DIS3L2: variants seen among roughly 807,000 people sequenced by gnomAD.
DIS3L2 encodes the protein DIS3 like 3'-5' exoribonuclease 2, also known as DIS3-like exonuclease 2.
DIS3L2 carries 34 observed loss-of-function variants against 97.5 expected under a neutral mutation model. That is an observed-to-expected ratio of 0.35 (90% CI 0.27 to 0.46). The LOEUF (loss-of-function observed/expected upper bound fraction) is 0.46. DIS3L2 is among the 20% of genes least tolerant of loss of function. The pLI is 1.00. For synonymous variants in DIS3L2, 435 were observed against 445.2 expected (o/e 0.98, Z 0.29); for missense variants, 1,038 against 1,146.0 (o/e 0.91, Z 1.36).
intron 5 of DIS3L2, among the ~76,000 whole-genome samples, chr2:232,045,799 T>G (rs534965481): frequency 6.6e-6 from 1 of 150,730 alleles, no homozygotes; most frequent in South Asian, 2.1e-4. Flanking sequence ...CTCAGCCTCC[T>G]GAGTAGCTGG....
At chr2:232,194,240 A>ATG (rs1312336259) in intron 9 of DIS3L2, among the ~76,000 whole-genome samples, 1 of 152,090 alleles carries the variant, frequency 6.6e-6, no homozygotes, top group Non-Finnish European at 1.5e-5. Context: ...TGCTGCTTCT[A>ATG]TGTGTGTGTA....
intron 5 of DIS3L2, 73 bp from the exon 6 acceptor site, chr2:232,087,414 T>C: frequency 8.3e-7 from 1 of 1,203,444 alleles, no homozygotes; most frequent in Non-Finnish European, 1.2e-6. Context: ...GTTTCTTCCT[T>C]AGAAAAGAAA....
chr2:232,249,435 G>A (rs1180184820), intron 12 of DIS3L2, 89 bp downstream of exon 12: 36 of 1,342,742 alleles, frequency 2.7e-5, no homozygotes, highest in Non-Finnish European at 3.1e-5. Flanking sequence ...CACTGGCTTG[G>A]GTGCCATGGT....
At chr2:232,312,807 A>G (rs1695172247) in intron 14 of DIS3L2, among the ~76,000 whole-genome samples, 1 of 152,140 alleles carries the variant, frequency 6.6e-6, no homozygotes, top group African/African-American at 2.4e-5. Flanking sequence ...CTCATGTTTC[A>G]TTGGATTTAC....
intron 16 of DIS3L2, among the ~76,000 whole-genome samples, chr2:232,332,865 C>T (rs1470585594): frequency 2.6e-5 from 4 of 152,120 alleles, no homozygotes; most frequent in African/African-American, 4.8e-5. Flanking sequence ...AGGACGGCCC[C>T]GACCAAAGGT....
chr2:232,166,671 G>A lies in DIS3L2; in HGVS notation c.1124+3039G>A, dbSNP rs187239514. Among the ~76,000 whole-genome samples, 1,067 of 150,746 alleles carry A rather than the reference G, an allele frequency of 7.1e-3. 8 individuals are homozygous for A. The highest frequency in any genetic ancestry group is 0.017 in the South Asian group (79 of 4,732). On this transcript the variant is annotated intron_variant, in intron 9 of 20. Coordinates refer to ENST00000325385, the MANE Select transcript of DIS3L2 (RefSeq NM_152383.5). ...GCGGAGGTTGCAGTGAGCCAAGATC[G>A]CACCACTGCAATCCAGCGTGGCGAC...
At position 232,136,707 on chromosome 2, in the gene DIS3L2, A is replaced by G. The variant is rs768529345; in HGVS notation, c.938A>G (p.Asn313Ser). The change falls in exon 8 of 21, where the codon AAT (asparagine) becomes AGT (serine). Residue 313 changes from asparagine to serine, a missense_variant. Asn to Ser is a conservative substitution (Grantham distance 46). Around this residue, in one of 3 missense-constraint regions of DIS3L2, gnomAD observed 813 missense variants for 880.1 expected, o/e 0.92. Coordinates refer to ENST00000325385, the MANE Select transcript of DIS3L2 (RefSeq NM_152383.5). Reference protein sequence around the residue: ...CRIVDWKEDCNFALGQLAKSL... With the variant: ...CRIVDWKEDCSFALGQLAKSL... ...ATTGTGGACTGGAAGGAGGACTGCA[A>G]TTTTGCCCTGGGGTAGGTGATCTCT... The G allele has an allele frequency of 1.4e-5, 22 of 1,613,800 alleles. No individual in the cohort carries two copies. The highest frequency in any genetic ancestry group is 3.3e-5 in the South Asian group (3 of 91,034).
intron 6 of DIS3L2, among the ~76,000 whole-genome samples, chr2:232,091,164 A>T (rs1030791048): frequency 2.6e-5 from 4 of 152,256 alleles, no homozygotes; most frequent in African/African-American, 9.6e-5. Context: ...GAGCTTAGGG[A>T]CAACCAATTA....
downstream of DIS3L2, among the ~76,000 whole-genome samples, chr2:232,337,522 C>T (rs1695999594): frequency 6.6e-6 from 1 of 152,054 alleles, no homozygotes; most frequent in Non-Finnish European, 1.5e-5. Context: ...TGACACGGAT[C>T]CCACCTGCCT....
intron 9 of DIS3L2, among the ~76,000 whole-genome samples, chr2:232,175,605 A>G (rs1691128195): frequency 1.3e-5 from 2 of 151,940 alleles, no homozygotes; most frequent in African/African-American, 4.8e-5. Context: ...TCGGGGGTAC[A>G]TGTATGTACG....
intron 5 of DIS3L2, among the ~76,000 whole-genome samples, chr2:232,042,169 A>G (rs888219275): frequency 2.0e-5 from 3 of 152,176 alleles, no homozygotes; most frequent in African/African-American, 7.2e-5. Flanking sequence ...ACAAATGCAG[A>G]AATCAAAGTA....
Position 232,264,891 on chromosome 2 carries a change from C to G in DIS3L2, c.1659+1451C>G, listed in dbSNP as rs539156500. 2.2e-4 allele frequency among the ~76,000 whole-genome samples: 33 copies of G among 152,320 alleles called. No homozygotes were observed. In the Middle Eastern group the frequency reaches 0.014, roughly 63 times the overall value. ...GAGTCAGGGTAGCCTCTGGAGTTCT[C>G]CTGCTCCTCCTTCCCCAGCCTGGGC... On this transcript the variant is annotated intron_variant, in intron 13 of 20. Coordinates refer to ENST00000325385, the MANE Select transcript of DIS3L2 (RefSeq NM_152383.5).
chr2:231,964,600 C>T (rs1321628875), intron 1 of DIS3L2, among the ~76,000 whole-genome samples: 1 of 152,104 alleles, frequency 6.6e-6, no homozygotes, highest in Non-Finnish European at 1.5e-5. Context: ...GATGATGGAG[C>T]TAAAACTGAG....
intron 8 of DIS3L2, among the ~76,000 whole-genome samples, chr2:232,158,685 G>T (rs1690568482): frequency 6.6e-6 from 1 of 151,946 alleles, no homozygotes; most frequent in Admixed American, 6.6e-5. Flanking sequence ...TTTCCAAACA[G>T]CACTGGTCTT....
At chr2:232,120,792 A>C (rs1697877133) in intron 6 of DIS3L2, among the ~76,000 whole-genome samples, 1 of 151,812 alleles carries the variant, frequency 6.6e-6, no homozygotes. Context: ...GCTTATGTCT[A>C]ATCTCCTCCC....
chr2:232,019,833 A>T (rs1694462966), intron 3 of DIS3L2, among the ~76,000 whole-genome samples: 2 of 152,048 alleles, frequency 1.3e-5, no homozygotes, highest in South Asian at 4.1e-4. Flanking sequence ...AAGGAAAAAC[A>T]ACTAAAGAAA....
Position 232,058,982 on chromosome 2 carries a change from A to G in DIS3L2, c.367-28505A>G, listed in dbSNP as rs545300294. ...ATGACTTATTTTTTTTCTTTTTTAC[A>G]TGCTGATCCTGAGTTCATAGTCTTG... On this transcript the variant is annotated intron_variant, in intron 5 of 20. Coordinates refer to ENST00000325385, the MANE Select transcript of DIS3L2 (RefSeq NM_152383.5). 3.9e-5 allele frequency among the ~76,000 whole-genome samples: 6 copies of G among 152,238 alleles called. No homozygotes were observed. The South Asian group carries it at 1.2e-3, about 32-fold the overall frequency.
chr2:232,310,431 A>G lies in DIS3L2; in HGVS notation c.1739+10312A>G, dbSNP rs576365568. On this transcript the variant is annotated intron_variant, in intron 14 of 20. Coordinates refer to ENST00000325385, the MANE Select transcript of DIS3L2 (RefSeq NM_152383.5). ...TGATGCAGGCACAACTCCTGCTTCC[A>G]CTGCTGGATTCGGGTAGTGTTCAGC... Among the ~76,000 whole-genome samples the G allele has an allele frequency of 2.0e-5, 3 of 152,322 alleles. No individual in the cohort carries two copies. The South Asian group carries it at 6.2e-4, about 32-fold the overall frequency.
At chr2:232,230,533 T>C (rs1387949505) in intron 10 of DIS3L2, among the ~76,000 whole-genome samples, 5 of 152,204 alleles carry the variant, frequency 3.3e-5, no homozygotes, top group Admixed American at 6.5e-5. Context: ...GTTCCCATCA[T>C]AGACTGGGTG....
Sources: allele counts gnomAD v4.1 joint callset (sites outside exome capture counted in the v4.1 genomes callset), GRCh38; gene constraint gnomAD v4.1.1; regional missense constraint gnomAD v4.1.1; transcripts MANE v1.5; gene names NCBI Gene and HGNC (gene_info 2026-07-23, HGNC 2026-07-21).